SIPA1L3: variants seen among roughly 807,000 people sequenced by gnomAD.
SIPA1L3 encodes the protein signal-induced proliferation-associated 1-like protein 3.
SIPA1L3 carries 59 observed loss-of-function variants against 150.1 expected under a neutral mutation model. The observed-to-expected ratio is 0.39, with a 90% CI of 0.32 to 0.49. The LOEUF (loss-of-function observed/expected upper bound fraction) is 0.49, where lower values mean the gene tolerates loss of function less well. Ranked by LOEUF, SIPA1L3 falls within the 20% of genes least tolerant of loss-of-function variation. The pLI is 0.86. For missense variants in SIPA1L3, 2,211 were observed against 2,489.5 expected (o/e 0.89, Z 2.38); for synonymous variants, 1,070 against 1,077.6 (o/e 0.99, Z 0.14).
At chr19:37,989,913 C>G (rs1967458147) in intron 1 of SIPA1L3, among the ~76,000 whole-genome samples, 1 of 152,172 alleles carries the variant, frequency 6.6e-6, no homozygotes, top group Non-Finnish European at 1.5e-5. Flanking sequence ...GCTTCCCGTG[C>G]ACTCAGTCGG....
At chr19:38,076,037 A>G (rs1285930247) in intron 2 of SIPA1L3, among the ~76,000 whole-genome samples, 1 of 151,572 alleles carries the variant, frequency 6.6e-6, no homozygotes, top group Non-Finnish European at 1.5e-5. Flanking sequence ...GCCACTCCAG[A>G]GGCTGAGGCA....
intron 1 of SIPA1L3, among the ~76,000 whole-genome samples, chr19:37,928,650 C>A (rs1477843108): frequency 1.3e-5 from 2 of 152,168 alleles, no homozygotes; most frequent in African/African-American, 4.8e-5. Context: ...TGCTGGGCCC[C>A]ATCTGATTCT....
chr19:38,082,010 G>A lies in SIPA1L3; in HGVS notation c.445G>A (p.Val149Met). 5 of 1,614,196 alleles carry A rather than the reference G, an allele frequency of 3.1e-6. No individual in the cohort carries two copies. The highest frequency in any genetic ancestry group is 1.1e-5 in the South Asian group (1 of 91,090). Residue 149 changes from valine to methionine, a missense_variant, in exon 3 of 22, where the codon GTG (valine) becomes ATG (methionine). Physicochemically the swap from Val to Met is conservative, Grantham distance 21. Around this residue, in one of 5 missense-constraint regions of SIPA1L3, gnomAD observed 587 missense variants for 534.5 expected, o/e 1.10. Transcript: ENST00000222345. ...HRLSRRRSKD[V>M]EFQDGWPRSP... ...ACTCTCCAGGAGAAGGTCCAAAGACGTGGAGTTCCAGGACGGGTGGCCCCG... is the reference window on the plus strand; with the variant it reads ...ACTCTCCAGGAGAAGGTCCAAAGACATGGAGTTCCAGGACGGGTGGCCCCG...
At chr19:38,065,827 T>G (rs1969562438) in intron 2 of SIPA1L3, among the ~76,000 whole-genome samples, 1 of 142,552 alleles carries the variant, frequency 7.0e-6, no homozygotes, top group African/African-American at 2.5e-5. Context: ...CACATAGCTC[T>G]ACCTTGCTAT....
At chr19:37,959,817 C>CTTTT (rs34291572) in intron 1 of SIPA1L3, among the ~76,000 whole-genome samples, 1 of 128,784 alleles carries the variant, frequency 7.8e-6, no homozygotes, top group Non-Finnish European at 1.7e-5. Context: ...AAAAAACTTT[C>CTTTT]TTTTTTTTTT....
At chr19:37,978,004 T>C (rs1375809195) in intron 1 of SIPA1L3, among the ~76,000 whole-genome samples, 1 of 152,252 alleles carries the variant, frequency 6.6e-6, no homozygotes, top group Non-Finnish European at 1.5e-5. Context: ...TCCATGTTTG[T>C]ACCTTTAGTC....
chr19:38,164,882 G>T lies in SIPA1L3; in HGVS notation c.4184G>T (p.Ser1395Ile). 1 of 1,554,932 alleles carries T rather than the reference G, an allele frequency of 6.4e-7. No individual in the cohort carries two copies. The highest frequency in any genetic ancestry group is 8.7e-7 in the Non-Finnish European group (1 of 1,148,466). The change falls in exon 15 of 22, where the codon AGC becomes ATC. Residue 1395 changes from serine (S) to isoleucine (I), a missense_variant. Physicochemically the swap from Ser to Ile is moderately radical, Grantham distance 142 (BLOSUM62 -2). Around this residue, in one of 5 missense-constraint regions of SIPA1L3, gnomAD observed 806 missense variants for 870.1 expected, o/e 0.93. Coordinates refer to ENST00000222345, the MANE Select transcript of SIPA1L3 (RefSeq NM_015073.3). The surrounding 1 kb of genome is among the most constrained non-coding windows in gnomAD (Gnocchi z 4.1). ...SSTPTGLAGG[S>I]RDPPRQPSDM... is the part of the protein sequence containing the mutation. ...ACCCCCACGGGACTGGCGGGGGGCAGCCGAGACCCACCGAGGCAGCCCAGG... is the reference window on the plus strand; with the variant it reads ...ACCCCCACGGGACTGGCGGGGGGCATCCGAGACCCACCGAGGCAGCCCAGG...
intron 15 of SIPA1L3, 42 bp from the exon 16 acceptor site, chr19:38,182,477 A>C: frequency 7.0e-7 from 1 of 1,436,244 alleles, no homozygotes; most frequent in Non-Finnish European, 9.6e-7. Flanking sequence ...CAAATGTGGA[A>C]TGGATTTGGT....
rs544369079 is a variant in SIPA1L3 at position 38,044,052 on chromosome 19, G to C, written c.-311+14896G>C. On this transcript the variant is annotated intron_variant, in intron 2 of 21. Transcript: ENST00000222345. ...CCATTTATATCTTGAAGGTGGAGCTGACAGTGAGTACTGATGGCCTGGATG... is the reference window on the plus strand; with the variant it reads ...CCATTTATATCTTGAAGGTGGAGCTCACAGTGAGTACTGATGGCCTGGATG... Among the ~76,000 whole-genome samples, 267 of 152,330 alleles carry C rather than the reference G, an allele frequency of 1.8e-3. 1 individual carries two copies. The highest frequency in any genetic ancestry group is 2.5e-3 in the Non-Finnish European group (173 of 68,024).
intron 1 of SIPA1L3, chr19:37,964,395 A>G (rs1599846210): frequency 6.6e-6 from 1 of 152,392 alleles, no homozygotes; most frequent in East Asian, 1.9e-4. Context: ...CTGTCTCAAA[A>G]AAATAAGATA....
intron 1 of SIPA1L3, among the ~76,000 whole-genome samples, chr19:38,018,625 G>A (rs943062075): frequency 1.3e-5 from 2 of 152,148 alleles, no homozygotes; most frequent in Admixed American, 6.5e-5. Flanking sequence ...ATATTCCATT[G>A]TATGGAGGTA....
chr19:38,009,713 A>G (rs1968053100), intron 1 of SIPA1L3, among the ~76,000 whole-genome samples: 1 of 151,924 alleles, frequency 6.6e-6, no homozygotes, highest in South Asian at 2.1e-4. Context: ...TAAGCCGCAG[A>G]CCTGTGATTT....
intron 1 of SIPA1L3, among the ~76,000 whole-genome samples, chr19:37,973,888 T>A (rs1243172968): frequency 6.6e-6 from 1 of 152,172 alleles, no homozygotes; most frequent in Non-Finnish European, 1.5e-5. Flanking sequence ...CTCTTGATTC[T>A]ATGTGTCAGA....
chr19:37,993,026 T>C (rs1206824050), intron 1 of SIPA1L3, among the ~76,000 whole-genome samples: 4 of 152,168 alleles, frequency 2.6e-5, no homozygotes, highest in Admixed American at 6.5e-5. Context: ...GGCACGGTGC[T>C]AAGCACAGAG....
At chr19:38,123,299 G>T (rs1971071194) in intron 9 of SIPA1L3, among the ~76,000 whole-genome samples, 1 of 149,572 alleles carries the variant, frequency 6.7e-6, no homozygotes, top group African/African-American at 2.5e-5. Context: ...ATCATTCTTG[G>T]GTGTTTCTCA....
chr19:37,910,325 T>C (rs769366961), intron 1 of SIPA1L3, among the ~76,000 whole-genome samples: 1 of 152,064 alleles, frequency 6.6e-6, no homozygotes, highest in Non-Finnish European at 1.5e-5. Flanking sequence ...ATCCCAGCAC[T>C]TTGGAGGCTG....
intron 1 of SIPA1L3, among the ~76,000 whole-genome samples, chr19:37,938,603 C>T (rs1163728717): frequency 1.6e-4 from 23 of 147,254 alleles, no homozygotes; most frequent in Admixed American, 1.3e-3. Context: ...ACATCTGCTT[C>T]TTTTTCTTTT....
chr19:37,992,060 T>TCCTCGTGGAGGCAGTGTCA (rs6146521), intron 1 of SIPA1L3, among the ~76,000 whole-genome samples: 1 of 151,918 alleles, frequency 6.6e-6, no homozygotes, highest in African/African-American at 2.4e-5. Context: ...CAGACAGGCA[T>TCCTCGTGGAGGCAGTGTCA]CCACGTGGCT....
intron 1 of SIPA1L3, among the ~76,000 whole-genome samples, chr19:37,955,407 G>A (rs202195377): frequency 7.1e-6 from 1 of 140,108 alleles, no homozygotes; most frequent in African/African-American, 2.7e-5. Flanking sequence ...AAAAAAAAAA[G>A]AGTATGCAAT....
Sources: allele counts gnomAD v4.1 joint callset (sites outside exome capture counted in the v4.1 genomes callset), GRCh38; gene constraint gnomAD v4.1.1; regional missense constraint gnomAD v4.1.1; non-coding constraint Gnocchi (gnomAD v3.1); transcripts MANE v1.5; gene names NCBI Gene and HGNC (gene_info 2026-07-23, HGNC 2026-07-21).